RYR3: variants seen among roughly 807,000 people sequenced by gnomAD.
RYR3 encodes brain ryanodine receptor-calcium release channel.
RYR3 carries 207 observed loss-of-function variants against 584.3 expected under a neutral mutation model. The observed-to-expected ratio is 0.35, with a 90% confidence interval of 0.32 to 0.40. The LOEUF is 0.40. Among genes scored for constraint, RYR3 ranks in the 10% least tolerant of loss-of-function variants. RYR3 has a pLI of 1.00. For synonymous variants in RYR3, 2,416 were observed against 2,248.5 expected (o/e 1.07, Z -2.11); for missense variants, 5,616 against 6,089.2 (o/e 0.92, Z 2.59).
At chr15:33,495,097 T>C (rs541474569) in intron 2 of RYR3, among the ~76,000 whole-genome samples, 23 of 152,320 alleles carry the variant, frequency 1.5e-4, no homozygotes, top group African/African-American at 4.1e-4. Context: ...TTATAAAATA[T>C]AGATTTTATG....
chr15:33,836,317 G>A (rs1021279923), intron 87 of RYR3, among the ~76,000 whole-genome samples: 7 of 151,890 alleles, frequency 4.6e-5, no homozygotes, highest in South Asian at 4.2e-4. Flanking sequence ...TATAAGGCAC[G>A]GAGGTAGCTT....
intron 1 of RYR3, among the ~76,000 whole-genome samples, chr15:33,403,953 C>T (rs1360307374): frequency 6.6e-6 from 1 of 151,866 alleles, no homozygotes; most frequent in Non-Finnish European, 1.5e-5. Context: ...AAAAAAAATG[C>T]AATAGCCAAA....
intron 60 of RYR3, among the ~76,000 whole-genome samples, chr15:33,765,751 G>A (rs1183404533): frequency 6.6e-6 from 1 of 152,080 alleles, no homozygotes; most frequent in Non-Finnish European, 1.5e-5. Flanking sequence ...ATCTTGGGGA[G>A]GATATTCAAC....
chr15:33,424,574 C>T (rs1179108799), intron 1 of RYR3, among the ~76,000 whole-genome samples: 1 of 152,170 alleles, frequency 6.6e-6, no homozygotes, highest in East Asian at 1.9e-4. Context: ...TAGCTCAGTG[C>T]ATGCTCTCCC....
intron 1 of RYR3, among the ~76,000 whole-genome samples, chr15:33,333,839 A>G (rs924690336): frequency 9.8e-5 from 15 of 152,378 alleles, no homozygotes; most frequent in African/African-American, 3.6e-4. Context: ...AAGCAGCTTC[A>G]GTAAAGTCTC....
At chr15:33,603,469 A>T in intron 18 of RYR3, 105 bp downstream of exon 18, 2 of 1,214,258 alleles carry the variant, frequency 1.6e-6, no homozygotes, top group Non-Finnish European at 2.3e-6. Context: ...ATACAGACTC[A>T]AGAGTCTCAA....
intron 1 of RYR3, among the ~76,000 whole-genome samples, chr15:33,446,221 G>T (rs913827078): frequency 4.6e-5 from 7 of 152,096 alleles, no homozygotes; most frequent in African/African-American, 1.2e-4. Flanking sequence ...TGTTCTCCTC[G>T]CAAGGACCAG....
At chr15:33,736,204 A>G (rs900863434) in intron 48 of RYR3, 31 bp from the exon 49 acceptor site, 1 of 1,372,344 alleles carries the variant, frequency 7.3e-7, no homozygotes, top group African/African-American at 1.4e-5. Flanking sequence ...TTTTCATTTT[A>G]TTTATCTACG....
intron 12 of RYR3, among the ~76,000 whole-genome samples, chr15:33,569,356 T>G (rs1238240682): frequency 1.3e-5 from 2 of 152,182 alleles, no homozygotes; most frequent in Non-Finnish European, 2.9e-5. Context: ...TCCACATGTT[T>G]TTATCATCCC....
intron 1 of RYR3, among the ~76,000 whole-genome samples, chr15:33,340,028 C>T (rs913701061): frequency 6.6e-6 from 1 of 152,176 alleles, no homozygotes; most frequent in African/African-American, 2.4e-5. Context: ...CAGGGGTGGC[C>T]TGTCCAAAGG....
chr15:33,658,971 A>G (rs1010467322), intron 32 of RYR3, among the ~76,000 whole-genome samples: 10 of 152,196 alleles, frequency 6.6e-5, no homozygotes, highest in Non-Finnish European at 1.3e-4. Flanking sequence ...TCCTTTTGTT[A>G]TTCCAGTGAG....
At chr15:33,399,410 G>A (rs1567163455) in intron 1 of RYR3, among the ~76,000 whole-genome samples, 1 of 152,156 alleles carries the variant, frequency 6.6e-6, no homozygotes, top group East Asian at 1.9e-4. Context: ...GGAGGCTGAG[G>A]TGGGAGGATC....
At position 33,311,183 on chromosome 15, in the gene RYR3, G is replaced by T; in HGVS notation, c.51+87G>T. 9.7e-7 allele frequency: 1 copy of T among 1,027,326 alleles called. No individual in the cohort carries two copies. 63.6% of individuals were successfully genotyped at this position (1,027,326 alleles called of 1,614,324 possible). A position where few individuals can be genotyped will look rare whatever the true frequency, so the allele number is the denominator to read the frequency against. On this transcript the variant is annotated intron_variant, in intron 1 of 103. Coordinates refer to ENST00000634891, the MANE Select transcript of RYR3 (RefSeq NM_001036.6). This position sits in a 1 kb window ranked among gnomAD's most constrained non-coding sequence, Gnocchi z 4.4. ...GGAGGGGCTGGCTGCGCTGCGCCGCGGTGCCGGGTGCCCGGTGCCGGGCGC... is the reference window on the plus strand; with the variant it reads ...GGAGGGGCTGGCTGCGCTGCGCCGCTGTGCCGGGTGCCCGGTGCCGGGCGC...
chr15:33,838,811 C>A lies in RYR3; in HGVS notation c.12831C>A (p.Ile4277=). ...AGGGGGAGAAGGGAGATACAGATAT[C>A]ATGTCAGACCTCTTTGGACTCCACC... The part of the protein sequence containing the change: ...FIKGEKGDTD[I]MSDLFGLHPK... The change falls in exon 89 of 104, where the codon ATC becomes ATA. Residue 4277 remains isoleucine (I), a synonymous_variant. Transcript: ENST00000634891. The A allele has an allele frequency of 1.2e-6, 2 of 1,613,918 alleles. No homozygotes were observed. The highest frequency in any genetic ancestry group is 1.7e-6 in the Non-Finnish European group (2 of 1,179,834).
chr15:33,845,376 C>G (rs2078656041), intron 93 of RYR3, among the ~76,000 whole-genome samples: 1 of 152,194 alleles, frequency 6.6e-6, no homozygotes, highest in African/African-American at 2.4e-5. Flanking sequence ...TCTCAGCCTC[C>G]CGAGTAGCTG....
In RYR3 at chr15:33,662,842, T is replaced by C; in HGVS notation, c.5312T>C (p.Val1771Ala). Residue 1771 changes from valine (V) to alanine (A), a missense_variant, in exon 35 of 104, where the codon GTG becomes GCG. Around this residue, in one of 9 missense-constraint regions of RYR3, gnomAD observed 753 missense variants for 741.0 expected, o/e 1.02. Coordinates refer to ENST00000634891, the MANE Select transcript of RYR3 (RefSeq NM_001036.6). ...GAGGAGGGAGCAGAAAAGGAGGAAG[T>C]GACCCAGGTGGAGGAGAAGGCTGTG... The part of the protein sequence containing the change: ...GTEEGAEKEE[V>A]TQVEEKAVEA... 6.2e-7 allele frequency: 1 copy of C among 1,613,780 alleles called. No individual in the cohort carries two copies.
At chr15:33,711,592 G>A (rs2067127995) in intron 43 of RYR3, among the ~76,000 whole-genome samples, 1 of 152,126 alleles carries the variant, frequency 6.6e-6, no homozygotes. Flanking sequence ...CTTCCACCAG[G>A]ATACCCTAGG....
rs1185654538 is a variant in RYR3 at position 33,865,466 on chromosome 15, C to G, written c.*240C>G. The G allele has an allele frequency of 4.3e-6, 2 of 460,152 alleles. No homozygotes were observed. Among genetic ancestry groups the G allele is most frequent in the African/African-American group, 3.9e-5 (2 of 51,050 alleles). 28.5% of individuals were successfully genotyped at this position (460,152 alleles called of 1,614,324 possible). ...GAAGGAAGGCGAAGAATCAAGTAAT[C>G]TCTAGGCAAATGCCTTCAAGTTTTC... is the stretch of plus-strand genomic sequence containing the variant. On this transcript the variant is annotated 3_prime_UTR_variant, in exon 104 of 104. Coordinates refer to ENST00000634891, the MANE Select transcript of RYR3 (RefSeq NM_001036.6).
chr15:33,786,601 C>G (rs780945538), intron 66 of RYR3, among the ~76,000 whole-genome samples: 1 of 151,966 alleles, frequency 6.6e-6, no homozygotes, highest in Non-Finnish European at 1.5e-5. Flanking sequence ...CTTGGAAAAT[C>G]AATAACTATA....
Sources: allele counts gnomAD v4.1 joint callset (sites outside exome capture counted in the v4.1 genomes callset), GRCh38; gene constraint gnomAD v4.1.1; regional missense constraint gnomAD v4.1.1; non-coding constraint Gnocchi (gnomAD v3.1); transcripts MANE v1.5; gene names NCBI Gene and HGNC (gene_info 2026-07-23, HGNC 2026-07-21).